The following SUGCT variants were observed in gnomAD, a reference collection of about 807,000 sequenced individuals.
SUGCT encodes the protein succinyl-CoA:glutarate CoA-transferase.
SUGCT carries 41 observed loss-of-function variants against 55.0 expected under a neutral mutation model. The observed-to-expected ratio is 0.74, with a 90% CI of 0.58 to 0.97. SUGCT has a LOEUF of 0.97. SUGCT is among the 50% of genes least tolerant of loss of function. SUGCT has a pLI of 0.00. For synonymous variants in SUGCT, 187 were observed against 200.4 expected (o/e 0.93, Z 0.56); for missense variants, 568 against 547.8 (o/e 1.04, Z -0.37).
the SUGCT span, among the ~76,000 whole-genome samples, chr7:40,946,239 G>A: frequency 6.6e-6 from 1 of 152,024 alleles, no homozygotes. Context: ...AAGTACTCTG[G>A]TGTCTCAGGC....
intron 11 of SUGCT, among the ~76,000 whole-genome samples, chr7:40,469,316 G>A (rs1473592434): frequency 6.6e-6 from 1 of 152,172 alleles, no homozygotes; most frequent in Non-Finnish European, 1.5e-5. Flanking sequence ...GGCATTCACT[G>A]TAGAGGGGCT....
chr7:40,913,643 C>G, the SUGCT span, among the ~76,000 whole-genome samples: 1 of 152,188 alleles, frequency 6.6e-6, no homozygotes, highest in Admixed American at 6.5e-5. Context: ...TCCCCATTCA[C>G]TATTTTGCAT....
intron 12 of SUGCT, among the ~76,000 whole-genome samples, chr7:40,598,741 G>T (rs1404434379): frequency 6.6e-6 from 1 of 152,174 alleles, no homozygotes; most frequent in Non-Finnish European, 1.5e-5. Flanking sequence ...TCAAGAAGGT[G>T]ACAGAAGATG....
chr7:40,259,460 C>T (rs777632969), intron 7 of SUGCT, among the ~76,000 whole-genome samples: 10 of 151,968 alleles, frequency 6.6e-5, no homozygotes, highest in African/African-American at 1.9e-4. Context: ...ATTTTTTAAG[C>T]GTTATCATAA....
chr7:40,150,196 G>T (rs1012116638), intron 1 of SUGCT, among the ~76,000 whole-genome samples: 4 of 152,176 alleles, frequency 2.6e-5, no homozygotes, highest in Admixed American at 2.0e-4. Flanking sequence ...TGCAGACCCT[G>T]CACTTGATGG....
intron 3 of SUGCT, among the ~76,000 whole-genome samples, chr7:40,185,183 CA>C (rs1490743373): frequency 6.6e-6 from 1 of 152,104 alleles, no homozygotes; most frequent in African/African-American, 2.4e-5. Context: ...TCTAGCTCAA[CA>C]TTTGTTTTTT....
intron 7 of SUGCT, among the ~76,000 whole-genome samples, chr7:40,241,221 G>T (rs1024746077): frequency 6.6e-6 from 1 of 152,082 alleles, no homozygotes; most frequent in African/African-American, 2.4e-5. Context: ...AACTCAAAGT[G>T]CAACTTTTTT....
chr7:40,629,229 G>C (rs533293079), intron 12 of SUGCT, among the ~76,000 whole-genome samples: 2 of 152,298 alleles, frequency 1.3e-5, no homozygotes, highest in South Asian at 4.1e-4. Context: ...TTGAAACAAT[G>C]AATGATAGAG....
At chr7:40,325,667 G>T (rs142877052) in intron 9 of SUGCT, among the ~76,000 whole-genome samples, 1 of 152,078 alleles carries the variant, frequency 6.6e-6, no homozygotes, top group African/African-American at 2.4e-5. Flanking sequence ...TTAGCTGGGC[G>T]TGGTGGTGCG....
intron 13 of SUGCT, among the ~76,000 whole-genome samples, chr7:40,755,971 TG>T (rs1327474272): frequency 6.6e-6 from 1 of 152,204 alleles, no homozygotes; most frequent in Non-Finnish European, 1.5e-5. Context: ...AACTAGTGGG[TG>T]TTGGATGCAG....
At chr7:40,975,622 A>T in the SUGCT span, among the ~76,000 whole-genome samples, 1 of 152,164 alleles carries the variant, frequency 6.6e-6, no homozygotes, top group African/African-American at 2.4e-5. Flanking sequence ...TCCAGGCATA[A>T]CATCTGCTTC....
chr7:40,329,752 G>A (rs1292749067), intron 9 of SUGCT, among the ~76,000 whole-genome samples: 3 of 152,150 alleles, frequency 2.0e-5, no homozygotes, highest in Non-Finnish European at 4.4e-5. Context: ...TCCACTAGAT[G>A]TCACTCTTGT....
At chr7:40,740,864 AAATTAAG>A (rs1353506442) in intron 12 of SUGCT, among the ~76,000 whole-genome samples, 3 of 152,218 alleles carry the variant, frequency 2.0e-5, no homozygotes, top group African/African-American at 7.2e-5. Flanking sequence ...GAAAATGCTG[AAATTAAG>A]AACTTTTGGT....
intron 12 of SUGCT, among the ~76,000 whole-genome samples, chr7:40,703,892 G>A (rs1785276928): frequency 6.6e-6 from 1 of 152,164 alleles, no homozygotes. Context: ...CGAAGAGAAG[G>A]AGCTCTAAAG....
At position 40,389,903 on chromosome 7, in the gene SUGCT, A is replaced by C. The variant is rs372550561; in HGVS notation, c.817-59384A>C. Among the ~76,000 whole-genome samples, 304 of 152,298 alleles carry C rather than the reference A, an allele frequency of 2.0e-3. 12 individuals are homozygous for C. The South Asian group carries it at 0.059, about 29-fold the overall frequency. Reference sequence around the variant, plus strand: ...ATGCTCAATAAAATACTGGCAAACCAAATCCAGCAGCACATCAAAAAGCTT... The same window carrying C: ...ATGCTCAATAAAATACTGGCAAACCCAATCCAGCAGCACATCAAAAAGCTT... On this transcript the variant is annotated intron_variant, in intron 9 of 13. Transcript: ENST00000335693.
chr7:40,647,010 A>G (rs1800550435), intron 12 of SUGCT, among the ~76,000 whole-genome samples: 1 of 152,214 alleles, frequency 6.6e-6, no homozygotes, highest in African/African-American at 2.4e-5. Flanking sequence ...TGCTCTGTAC[A>G]CACTGGCTAG....
intron 12 of SUGCT, among the ~76,000 whole-genome samples, chr7:40,545,888 C>A (rs1794962389): frequency 6.6e-6 from 1 of 152,140 alleles, no homozygotes; most frequent in Non-Finnish European, 1.5e-5. Flanking sequence ...AAACAATGCA[C>A]TCTCTGTGGG....
the SUGCT span, among the ~76,000 whole-genome samples, chr7:40,942,080 A>G: frequency 6.6e-6 from 1 of 152,126 alleles, no homozygotes; most frequent in African/African-American, 2.4e-5. Context: ...ATTGAGATAT[A>G]AAGTACTATT....
chr7:40,388,359 C>T (rs1785234905), intron 9 of SUGCT, among the ~76,000 whole-genome samples: 3 of 152,082 alleles, frequency 2.0e-5, no homozygotes, highest in Admixed American at 2.0e-4. Context: ...ATTTTGACTT[C>T]CTCACCTTAA....
Sources: allele counts gnomAD v4.1 joint callset (sites outside exome capture counted in the v4.1 genomes callset), GRCh38; gene constraint gnomAD v4.1.1; transcripts MANE v1.5; gene names NCBI Gene and HGNC (gene_info 2026-07-23, HGNC 2026-07-21).